The following GALNT17 variants were observed in gnomAD, a reference collection of about 807,000 sequenced individuals.
GALNT17 encodes UDP-GalNAc:polypeptide N-acetylgalactosaminyltransferase-like 3.
GALNT17 carries 29 observed loss-of-function variants against 63.7 expected under a neutral mutation model. That is an observed-to-expected ratio of 0.46 (90% CI 0.34 to 0.62). The LOEUF is 0.62. Ranked by LOEUF, GALNT17 falls within the 20% of genes least tolerant of loss-of-function variation. The probability of loss-of-function intolerance (pLI) is 0.01; values close to 1 mark genes in which losing one functional copy is unlikely to be tolerated. For missense variants in GALNT17, 603 were observed against 799.6 expected, an observed-to-expected ratio of 0.75 and a Z score of 2.97; for synonymous variants, 305 against 318.3, an observed-to-expected ratio of 0.96 and a Z score of 0.45.
chr7:71,591,030 G>C (rs1789792168), intron 6 of GALNT17, among the ~76,000 whole-genome samples: 1 of 152,012 alleles, frequency 6.6e-6, no homozygotes, highest in East Asian at 2.0e-4. Context: ...CAAAGTACTG[G>C]GATTACAGGC....
chr7:71,251,236 A>G (rs1583799097), intron 1 of GALNT17, among the ~76,000 whole-genome samples: 1 of 150,884 alleles, frequency 6.6e-6, no homozygotes, highest in East Asian at 2.0e-4. Context: ...GTTTGGGGGA[A>G]ATTTGGAAGG....
At chr7:71,530,785 G>A (rs966748710) in intron 5 of GALNT17, among the ~76,000 whole-genome samples, 3 of 151,990 alleles carry the variant, frequency 2.0e-5, no homozygotes, top group African/African-American at 4.8e-5. Flanking sequence ...AGCCAGGATG[G>A]TCTCGATCTC....
chr7:71,564,841 G>A (rs1789314288), intron 5 of GALNT17, among the ~76,000 whole-genome samples: 1 of 152,178 alleles, frequency 6.6e-6, no homozygotes, highest in Non-Finnish European at 1.5e-5. Context: ...AGGACTCAGA[G>A]AACCCTGTCA....
intron 2 of GALNT17, among the ~76,000 whole-genome samples, chr7:71,352,972 C>A (rs999797739): frequency 1.3e-5 from 2 of 151,782 alleles, no homozygotes; most frequent in Non-Finnish European, 2.9e-5. Context: ...GATATTCAAC[C>A]CTGATTGGGG....
chr7:71,603,142 T>C (rs1789991885), intron 6 of GALNT17, among the ~76,000 whole-genome samples: 1 of 151,758 alleles, frequency 6.6e-6, no homozygotes, highest in East Asian at 1.9e-4. Flanking sequence ...CCAGATACTA[T>C]GCTAAATGCA....
chr7:71,620,966 T>G (rs1318389822), intron 6 of GALNT17, among the ~76,000 whole-genome samples: 1 of 152,248 alleles, frequency 6.6e-6, no homozygotes, highest in Non-Finnish European at 1.5e-5. Context: ...CAATGGACTT[T>G]GTTTAGTTGC....
At chr7:71,392,097 A>G (rs1793062341) in intron 3 of GALNT17, among the ~76,000 whole-genome samples, 1 of 152,200 alleles carries the variant, frequency 6.6e-6, no homozygotes, top group Non-Finnish European at 1.5e-5. Flanking sequence ...TCACATTTCA[A>G]CATGAGATTT....
intron 1 of GALNT17, among the ~76,000 whole-genome samples, chr7:71,137,346 C>A (rs997341811): frequency 6.6e-6 from 1 of 151,542 alleles, no homozygotes; most frequent in Non-Finnish European, 1.5e-5. Context: ...TCACCGTGTT[C>A]GCCAGGATGG....
At chr7:71,553,343 T>A (rs999582602) in intron 5 of GALNT17, among the ~76,000 whole-genome samples, 28 of 151,694 alleles carry the variant, frequency 1.8e-4, no homozygotes, top group South Asian at 1.0e-3. Context: ...AAAAAAAAAA[T>A]TTTCCAGCTT....
At chr7:71,494,284 AG>A in intron 5 of GALNT17, among the ~76,000 whole-genome samples, 1 of 152,162 alleles carries the variant, frequency 6.6e-6, no homozygotes, top group Admixed American at 6.6e-5. Context: ...ACCTCCCACC[AG>A]GCCCCTCCAT....
At chr7:71,471,277 A>T (rs1392991044) in intron 5 of GALNT17, among the ~76,000 whole-genome samples, 1 of 151,144 alleles carries the variant, frequency 6.6e-6, no homozygotes, top group Non-Finnish European at 1.5e-5. Context: ...GGGTTTCCCC[A>T]TGTTGCCCAG....
chr7:71,352,284 T>A (rs1792202978), intron 2 of GALNT17, among the ~76,000 whole-genome samples: 1 of 152,192 alleles, frequency 6.6e-6, no homozygotes. Flanking sequence ...CCCAGCCATG[T>A]GGAGCTGTGA....
At chr7:71,246,112 G>GTT (rs1790089868) in intron 1 of GALNT17, among the ~76,000 whole-genome samples, 2 of 112,852 alleles carry the variant, frequency 1.8e-5, no homozygotes, top group African/African-American at 7.9e-5. Flanking sequence ...AGCTTTTTTC[G>GTT]TTGTTTTTTT....
intron 1 of GALNT17, among the ~76,000 whole-genome samples, chr7:71,279,845 G>T (rs142128215): frequency 6.6e-6 from 1 of 151,216 alleles, no homozygotes; most frequent in Non-Finnish European, 1.5e-5. Context: ...CTTTGTTGAT[G>T]TTCTTTATGT....
intron 5 of GALNT17, among the ~76,000 whole-genome samples, chr7:71,539,641 G>GT (rs568193921): frequency 7.9e-5 from 10 of 126,948 alleles, no homozygotes; most frequent in South Asian, 7.7e-4. Flanking sequence ...TCTGTAACTT[G>GT]TTTTTTTCAC....
At chr7:71,340,264 G>A (rs1202002597) in intron 2 of GALNT17, among the ~76,000 whole-genome samples, 1 of 152,198 alleles carries the variant, frequency 6.6e-6, no homozygotes. Flanking sequence ...CAGAATATGG[G>A]AGGTTTACTC....
intron 1 of GALNT17, among the ~76,000 whole-genome samples, chr7:71,269,127 G>C (rs1562960149): frequency 6.6e-6 from 1 of 152,136 alleles, no homozygotes; most frequent in Non-Finnish European, 1.5e-5. Context: ...GCTCATCTTT[G>C]ACCACTGCCA....
At chr7:71,492,635 A>G (rs1280833055) in intron 5 of GALNT17, among the ~76,000 whole-genome samples, 1 of 152,160 alleles carries the variant, frequency 6.6e-6, no homozygotes, top group African/African-American at 2.4e-5. Context: ...TTCAAAAGTA[A>G]ATTGGCCAAA....
intron 5 of GALNT17, among the ~76,000 whole-genome samples, chr7:71,430,759 A>C (rs557316255): frequency 6.6e-6 from 1 of 152,316 alleles, no homozygotes; most frequent in African/African-American, 2.4e-5. Flanking sequence ...GTGCACAGAT[A>C]TGTACAAAGG....
Sources: allele counts gnomAD v4.1 joint callset (sites outside exome capture counted in the v4.1 genomes callset), GRCh38; gene constraint gnomAD v4.1.1; transcripts MANE v1.5; gene names NCBI Gene and HGNC (gene_info 2026-07-23, HGNC 2026-07-21).